The following ADAM23 variants were observed in gnomAD, a reference collection of about 807,000 sequenced individuals.
ADAM23 encodes ADAM metallopeptidase domain 23.
ADAM23 carries 33 observed loss-of-function variants against 120.1 expected under a neutral mutation model. The ratio of observed to expected loss-of-function variants is 0.27; its 90% CI spans 0.21 to 0.37. The LOEUF (loss-of-function observed/expected upper bound fraction) is 0.37, where lower values mean the gene tolerates loss of function less well. Ranked by LOEUF, ADAM23 falls within the 10% of genes least tolerant of loss-of-function variation. The pLI is 1.00. For missense variants in ADAM23, 862 were observed against 1,058.2 expected (o/e 0.81, Z 2.57); for synonymous variants, 367 against 375.2 (o/e 0.98, Z 0.25).
intron 24 of ADAM23, among the ~76,000 whole-genome samples, chr2:206,601,795 A>C (rs1190937322): frequency 2.0e-5 from 3 of 151,840 alleles, no homozygotes; most frequent in Non-Finnish European, 4.4e-5. Flanking sequence ...AAAAAGCTGA[A>C]TATTAAGTTA....
At chr2:206,606,119 T>C (rs978177412) in intron 24 of ADAM23, among the ~76,000 whole-genome samples, 11 of 152,218 alleles carry the variant, frequency 7.2e-5, no homozygotes, top group African/African-American at 2.4e-4. Flanking sequence ...TCTTCATAAT[T>C]AAGGCAATAG....
At chr2:206,561,295 GT>G in intron 12 of ADAM23, 83 bp downstream of exon 12, 2 of 1,189,350 alleles carry the variant, frequency 1.7e-6, no homozygotes, top group Non-Finnish European at 2.5e-6. Context: ...TCTCGTGCTT[GT>G]TTAGAATGAT....
Position 206,560,136 on chromosome 2 carries a change from C to G in ADAM23, c.1169+18C>G. The stretch of plus-strand genomic sequence containing the variant: ...CTCATCTCGTACGTACTCATTTCAG[C>G]CTTTAGTGTAGTCTTTGGTCTGACA... On this transcript the variant is annotated intron_variant, in intron 11 of 25. Coordinates refer to ENST00000264377, the MANE Select transcript of ADAM23 (RefSeq NM_003812.4). 2 of 1,604,806 alleles carry G rather than the reference C, an allele frequency of 1.2e-6. No individual in the cohort carries two copies. Among genetic ancestry groups the G allele is most frequent in the Non-Finnish European group, 1.7e-6 (2 of 1,174,380 alleles).
At chr2:206,531,827 T>G (rs1486707698) in intron 4 of ADAM23, among the ~76,000 whole-genome samples, 1 of 152,242 alleles carries the variant, frequency 6.6e-6, no homozygotes, top group Non-Finnish European at 1.5e-5. Flanking sequence ...AGTAGCACCT[T>G]TCCCGTATGT....
chr2:206,492,992 G>A (rs1205529609), intron 3 of ADAM23, among the ~76,000 whole-genome samples: 2 of 152,070 alleles, frequency 1.3e-5, no homozygotes, highest in Non-Finnish European at 2.9e-5. Flanking sequence ...CATAAATCTA[G>A]TCCCAAACAA....
At chr2:206,530,056 G>T (rs1268021793) in intron 3 of ADAM23, among the ~76,000 whole-genome samples, 1 of 152,060 alleles carries the variant, frequency 6.6e-6, no homozygotes, top group African/African-American at 2.4e-5. Context: ...TGATCCACCC[G>T]CCTCAGCCTC....
rs779563745 is a variant in ADAM23 at position 206,620,748 on chromosome 2, G to C, written c.*3121G>C. On this transcript the variant is annotated 3_prime_UTR_variant, in exon 26 of 26. Transcript: ENST00000264377. ...TTAGAGCTGCTCCTACTAGATAACT[G>C]AGCAGTACACATAAGTGCATGTTAT... 4 of 152,094 alleles carry C rather than the reference G, an allele frequency of 2.6e-5. No homozygotes were observed. Among genetic ancestry groups the C allele is most frequent in the Non-Finnish European group, 5.9e-5 (4 of 68,034 alleles). 9.4% of individuals were successfully genotyped at this position (152,094 alleles called of 1,614,324 possible).
At chr2:206,517,759 T>C (rs932666359) in intron 3 of ADAM23, among the ~76,000 whole-genome samples, 4 of 152,210 alleles carry the variant, frequency 2.6e-5, no homozygotes, top group African/African-American at 7.2e-5. Context: ...TTAGGACTTT[T>C]CTCATATCTT....
At chr2:206,534,137 A>G (rs1697126997) in intron 4 of ADAM23, among the ~76,000 whole-genome samples, 1 of 152,176 alleles carries the variant, frequency 6.6e-6, no homozygotes, top group South Asian at 2.1e-4. Flanking sequence ...ATCACTGCAT[A>G]AAGAAACCAC....
chr2:206,611,582 T>C (rs1698828109), intron 25 of ADAM23, among the ~76,000 whole-genome samples: 1 of 152,222 alleles, frequency 6.6e-6, no homozygotes, highest in African/African-American at 2.4e-5. Context: ...ATGCCTCATT[T>C]GGCGTTAAGA....
intron 5 of ADAM23, among the ~76,000 whole-genome samples, chr2:206,542,921 ATTACT>A (rs1268471453): frequency 3.9e-5 from 6 of 152,206 alleles, no homozygotes; most frequent in Non-Finnish European, 7.3e-5. Context: ...TTCTGGAATA[ATTACT>A]TTAGAGACTG....
At chr2:206,533,916 TTTTG>T (rs1216465709) in intron 4 of ADAM23, among the ~76,000 whole-genome samples, 12 of 152,254 alleles carry the variant, frequency 7.9e-5, no homozygotes, top group Non-Finnish European at 1.5e-4. Context: ...GAGCAATAGC[TTTTG>T]TTTAAGTTCC....
At chr2:206,613,631 G>C (rs1162938289) in intron 25 of ADAM23, among the ~76,000 whole-genome samples, 1 of 152,144 alleles carries the variant, frequency 6.6e-6, no homozygotes, top group Non-Finnish European at 1.5e-5. Flanking sequence ...GACTCATGGA[G>C]ACTCATGACA....
intron 14 of ADAM23, among the ~76,000 whole-genome samples, chr2:206,566,941 T>C (rs557423642): frequency 5.9e-4 from 90 of 152,254 alleles, no homozygotes; most frequent in African/African-American, 2.0e-3. Context: ...GGTTTTGTAA[T>C]GAGCTTTTTA....
intron 3 of ADAM23, among the ~76,000 whole-genome samples, chr2:206,485,961 C>T (rs1291743913): frequency 1.3e-5 from 2 of 152,182 alleles, no homozygotes; most frequent in African/African-American, 4.8e-5. Flanking sequence ...GACAGCAAGA[C>T]AGCCAGAGCT....
rs182895709 is a variant in ADAM23 at position 206,563,904 on chromosome 2, G to A, written c.1346-1116G>A. ...ACCACCACACCCGGCTAATTTTTTTGTATTTTTAGTAGAGATGGGGTTTCA... is the reference window on the plus strand; with the variant it reads ...ACCACCACACCCGGCTAATTTTTTTATATTTTTAGTAGAGATGGGGTTTCA... On this transcript the variant is annotated intron_variant, in intron 13 of 25. Coordinates refer to ENST00000264377, the MANE Select transcript of ADAM23 (RefSeq NM_003812.4). Among the ~76,000 whole-genome samples, 53 of 151,850 alleles carry A rather than the reference G, an allele frequency of 3.5e-4. No individual in the cohort carries two copies. The East Asian group carries it at 0.01, about 29-fold the overall frequency.
chr2:206,557,567 A>G, intron 10 of ADAM23, 69 bp downstream of exon 10: 1 of 1,370,956 alleles, frequency 7.3e-7, no homozygotes, highest in Non-Finnish European at 1.0e-6. Context: ...GCTTACTTGT[A>G]CTTTAGGTAT....
At chr2:206,554,294 C>T (rs562771341) in intron 9 of ADAM23, among the ~76,000 whole-genome samples, 1 of 152,260 alleles carries the variant, frequency 6.6e-6, no homozygotes, top group Admixed American at 6.5e-5. Flanking sequence ...GGTGGAACCT[C>T]ATTTGCAAGC....
chr2:206,593,717 G>C (rs964486946), intron 22 of ADAM23, among the ~76,000 whole-genome samples: 2 of 151,860 alleles, frequency 1.3e-5, no homozygotes, highest in African/African-American at 4.8e-5. Context: ...AAATAGCCTT[G>C]TTAAATTATA....
Sources: gnomAD v4.1 joint callset for allele counts (sites outside exome capture counted in the v4.1 genomes callset) on GRCh38, gnomAD v4.1.1 for gene constraint, MANE v1.5 for transcripts, NCBI Gene and HGNC (gene_info 2026-07-23, HGNC 2026-07-21) for gene names.